The following GHR variants were observed in gnomAD, a reference collection of about 807,000 sequenced individuals.
The protein encoded by GHR is GH receptor.
GHR carries 35 observed loss-of-function variants against 67.1 expected under a neutral mutation model. The observed-to-expected ratio is 0.52, with a 90% CI of 0.40 to 0.69. GHR has a LOEUF of 0.69. GHR is among the 30% of genes least tolerant of loss of function. GHR has a pLI of 0.00. For synonymous variants in GHR, 272 were observed against 269.1 expected (o/e 1.01, Z -0.10); for missense variants, 792 against 764.6 (o/e 1.04, Z -0.42).
chr5:42,475,945 A>C (rs55853875), intron 1 of GHR, among the ~76,000 whole-genome samples: 70,006 of 149,344 alleles, frequency 0.47, 16,979 homozygotes, highest in African/African-American at 0.54. Flanking sequence ...TCGCTCTGTC[A>C]CCAGGCTGGA....
chr5:42,557,566 A>C (rs1561120465), intron 1 of GHR, among the ~76,000 whole-genome samples: 1 of 152,282 alleles, frequency 6.6e-6, no homozygotes, highest in East Asian at 1.9e-4. Flanking sequence ...TTTTTATTAA[A>C]AAGGGAAAAT....
intron 1 of GHR, among the ~76,000 whole-genome samples, chr5:42,448,538 G>A (rs928230545): frequency 4.0e-5 from 6 of 150,720 alleles, no homozygotes; most frequent in African/African-American, 1.5e-4. Flanking sequence ...CATAGTTTGC[G>A]AAGATTTTCT....
chr5:42,602,742 C>A lies in GHR; in HGVS notation c.71-26296C>A, dbSNP rs1237818523. Reference sequence around the variant, plus strand: ...GTAACTGTCCAATTTATGCTGATAGCAACTTAGCTTCCTTTGCTTATAAGA... The same window carrying A: ...GTAACTGTCCAATTTATGCTGATAGAAACTTAGCTTCCTTTGCTTATAAGA... On this transcript the variant is annotated intron_variant, in intron 2 of 9. Transcript: ENST00000230882. 5.3e-5 allele frequency among the ~76,000 whole-genome samples: 8 copies of A among 152,256 alleles called. No homozygotes were observed. The East Asian group carries it at 7.7e-4, about 15-fold the overall frequency.
chr5:42,682,322 TC>T (rs773091349), intron 3 of GHR, among the ~76,000 whole-genome samples: 37 of 152,352 alleles, frequency 2.4e-4, no homozygotes, highest in Middle Eastern at 3.4e-3. Context: ...TTAGATTTAA[TC>T]TTTAAAAATC....
chr5:42,503,774 A>T (rs1352165411), intron 1 of GHR, among the ~76,000 whole-genome samples: 1 of 151,190 alleles, frequency 6.6e-6, no homozygotes, highest in Non-Finnish European at 1.5e-5. Context: ...ATTGTCAGGG[A>T]ATGCCTCTCT....
intron 1 of GHR, among the ~76,000 whole-genome samples, chr5:42,548,779 T>G (rs1452273521): frequency 6.6e-6 from 1 of 152,216 alleles, no homozygotes; most frequent in Non-Finnish European, 1.5e-5. Context: ...CTGGAGTTTA[T>G]AAAGTATTCT....
At chr5:42,558,707 A>G (rs1240550217) in intron 1 of GHR, among the ~76,000 whole-genome samples, 5 of 152,238 alleles carry the variant, frequency 3.3e-5, no homozygotes, top group Non-Finnish European at 7.3e-5. Flanking sequence ...CTAGGTGTGT[A>G]GTAGGCTATA....
intron 3 of GHR, among the ~76,000 whole-genome samples, chr5:42,671,320 C>T (rs1428000142): frequency 6.6e-6 from 1 of 151,882 alleles, no homozygotes; most frequent in Non-Finnish European, 1.5e-5. Context: ...GGAGGTGCCA[C>T]ACACTTAAAC....
intron 1 of GHR, among the ~76,000 whole-genome samples, chr5:42,481,088 G>T (rs1031177829): frequency 2.0e-5 from 3 of 151,532 alleles, no homozygotes; most frequent in Non-Finnish European, 4.4e-5. Context: ...GCCTGGTGGT[G>T]ACAAAATCTC....
At position 42,473,292 on chromosome 5, in the gene GHR, G is replaced by A. The variant is rs940260055; in HGVS notation, c.-12+49337G>A. Among the ~76,000 whole-genome samples the A allele has an allele frequency of 2.6e-5, 4 of 152,224 alleles. No homozygotes were observed. In the East Asian group the frequency reaches 7.8e-4, roughly 30 times the overall value. On this transcript the variant is annotated intron_variant, in intron 1 of 9. Transcript: ENST00000230882. The stretch of plus-strand genomic sequence containing the variant: ...CCTGGAACTCTTGGAGTGCAACGGC[G>A]CGATCTCGGGTCCCTGCAACCTCCG...
chr5:42,512,545 G>T (rs1440589805), intron 1 of GHR, among the ~76,000 whole-genome samples: 1 of 152,140 alleles, frequency 6.6e-6, no homozygotes, highest in South Asian at 2.1e-4. Flanking sequence ...CTATAAGGCT[G>T]TGTGACCAGA....
intron 1 of GHR, among the ~76,000 whole-genome samples, chr5:42,538,672 G>C (rs182561243): frequency 6.6e-6 from 1 of 152,242 alleles, no homozygotes; most frequent in Admixed American, 6.5e-5. Flanking sequence ...ATTTCTTTGC[G>C]ATGAATTTCC....
chr5:42,545,150 T>C (rs1018464829), intron 1 of GHR, among the ~76,000 whole-genome samples: 8 of 152,178 alleles, frequency 5.3e-5, no homozygotes, highest in African/African-American at 1.4e-4. Context: ...CCCAAACTGA[T>C]AGAACCGGCC....
At chr5:42,497,730 C>T (rs1039525683) in intron 1 of GHR, among the ~76,000 whole-genome samples, 9 of 152,276 alleles carry the variant, frequency 5.9e-5, no homozygotes, top group African/African-American at 2.2e-4. Context: ...AAGAGAAAGT[C>T]GTCAGATACA....
chr5:42,542,997 G>C (rs1167320855), intron 1 of GHR, among the ~76,000 whole-genome samples: 2 of 152,050 alleles, frequency 1.3e-5, no homozygotes, highest in African/African-American at 2.4e-5. Flanking sequence ...AGTATTCCAT[G>C]GTGTGTATAT....
rs967383202 is a variant in GHR at position 42,680,451 on chromosome 5, CT to C, written c.137-8429del. On this transcript the variant is annotated intron_variant, in intron 3 of 9. Transcript: ENST00000230882. ...ATCCAATGTGCTTTTCTTTTTTTTT[CT>C]TTTTTTTTTAATTCCATGAAATTTT... 2.3e-3 allele frequency among the ~76,000 whole-genome samples: 342 copies of C among 146,872 alleles called. 1 individual carries two copies. The highest frequency in any genetic ancestry group is 7.8e-3 in the African/African-American group (314 of 40,186).
chr5:42,584,099 G>A (rs942807168), intron 2 of GHR, among the ~76,000 whole-genome samples: 1 of 152,112 alleles, frequency 6.6e-6, no homozygotes, highest in African/African-American at 2.4e-5. Flanking sequence ...AAGTGGAAAA[G>A]CTAGCACTAG....
At chr5:42,545,777 C>T (rs1410374655) in intron 1 of GHR, among the ~76,000 whole-genome samples, 1 of 152,094 alleles carries the variant, frequency 6.6e-6, no homozygotes, top group Admixed American at 6.5e-5. Context: ...TTCCCAAAGT[C>T]CTTCACTTTC....
intron 1 of GHR, among the ~76,000 whole-genome samples, chr5:42,547,317 T>C (rs986927293): frequency 6.6e-6 from 1 of 152,196 alleles, no homozygotes; most frequent in African/African-American, 2.4e-5. Flanking sequence ...CTTGTGTTAA[T>C]AGTGTGGACA....
Sources: allele counts gnomAD v4.1 joint callset (sites outside exome capture counted in the v4.1 genomes callset), GRCh38; gene constraint gnomAD v4.1.1; transcripts MANE v1.5; gene names NCBI Gene and HGNC (gene_info 2026-07-23, HGNC 2026-07-21).